Variants in ZDHHC14 observed in about 807,000 individuals in gnomAD.
The protein encoded by ZDHHC14 is zDHHC palmitoyltransferase 14, also known as palmitoyltransferase ZDHHC14.
ZDHHC14 carries 16 observed loss-of-function variants against 47.7 expected under a neutral mutation model. The observed-to-expected ratio is 0.34, with a 90% CI of 0.23 to 0.51. The LOEUF is 0.51. Ranked by LOEUF, ZDHHC14 falls within the 20% of genes least tolerant of loss-of-function variation. The probability of loss-of-function intolerance (pLI) is 0.97; values close to 1 mark genes in which losing one functional copy is unlikely to be tolerated. For missense variants in ZDHHC14, 515 were observed against 662.5 expected (o/e 0.78, Z 2.44); for synonymous variants, 293 against 278.9 (o/e 1.05, Z -0.50).
chr6:157,382,449 G>A (rs1441390858), intron 1 of ZDHHC14, among the ~76,000 whole-genome samples, 183 bp downstream of exon 1: 1 of 152,142 alleles, frequency 6.6e-6, no homozygotes, highest in East Asian at 1.9e-4. Flanking sequence ...CGGAAAGAAC[G>A]CCGTTCTGGG....
intron 1 of ZDHHC14, among the ~76,000 whole-genome samples, chr6:157,409,469 C>G (rs767904536): frequency 6.6e-6 from 1 of 152,146 alleles, no homozygotes; most frequent in Non-Finnish European, 1.5e-5. Flanking sequence ...CTTAGGTGAC[C>G]TTTTCTGGTG....
chr6:157,478,187 A>G (rs1156679868), intron 1 of ZDHHC14, among the ~76,000 whole-genome samples: 3 of 150,426 alleles, frequency 2.0e-5, no homozygotes, highest in Non-Finnish European at 4.5e-5. Flanking sequence ...TGTTCAATAC[A>G]TTAAGTCTTC....
chr6:157,424,190 C>G (rs1292116153), intron 1 of ZDHHC14, among the ~76,000 whole-genome samples: 1 of 151,968 alleles, frequency 6.6e-6, no homozygotes, highest in Non-Finnish European at 1.5e-5. Flanking sequence ...TCACTTTGTT[C>G]TGTCTGAAAA....
intron 4 of ZDHHC14, among the ~76,000 whole-genome samples, chr6:157,629,153 T>C (rs1344900670): frequency 6.6e-6 from 1 of 152,228 alleles, no homozygotes; most frequent in East Asian, 1.9e-4. Context: ...CCTAAGCAAA[T>C]GGCATTTTTT....
intron 2 of ZDHHC14, chr6:157,592,644 T>C (rs1582989237): frequency 2.9e-6 from 2 of 691,720 alleles, no homozygotes; most frequent in Admixed American, 1.0e-4. Flanking sequence ...CCCAGCTGTG[T>C]CTCCCAAGAT....
intron 1 of ZDHHC14, among the ~76,000 whole-genome samples, chr6:157,533,908 G>C (rs1273145536): frequency 1.3e-5 from 2 of 152,160 alleles, no homozygotes; most frequent in African/African-American, 4.8e-5. Flanking sequence ...TTTTAAATTG[G>C]TGTCTAATTA....
chr6:157,471,084 G>A (rs1435465223), intron 1 of ZDHHC14, among the ~76,000 whole-genome samples: 1 of 152,164 alleles, frequency 6.6e-6, no homozygotes, highest in Non-Finnish European at 1.5e-5. Flanking sequence ...TTCATTCCTG[G>A]CATTTTCAGG....
intron 1 of ZDHHC14, among the ~76,000 whole-genome samples, chr6:157,394,954 G>T (rs915924908): frequency 1.1e-4 from 17 of 151,358 alleles, no homozygotes; most frequent in African/African-American, 4.1e-4. Flanking sequence ...TTCCATTCCA[G>T]AATGCTTCTT....
intron 2 of ZDHHC14, among the ~76,000 whole-genome samples, chr6:157,553,220 G>T (rs772312531): frequency 1.3e-5 from 2 of 152,186 alleles, no homozygotes; most frequent in African/African-American, 2.4e-5. Flanking sequence ...CTGGGGGATG[G>T]TGGGGGATGA....
intron 1 of ZDHHC14, among the ~76,000 whole-genome samples, chr6:157,387,159 A>T (rs1777327751): frequency 6.6e-6 from 1 of 152,122 alleles, no homozygotes; most frequent in African/African-American, 2.4e-5. Flanking sequence ...AAGGGTTTTT[A>T]AAAAATCTTT....
At chr6:157,612,047 C>A (rs551966194) in intron 3 of ZDHHC14, among the ~76,000 whole-genome samples, 4,570 of 152,106 alleles carry the variant, frequency 0.03, 118 homozygotes, top group Non-Finnish European at 0.046. Flanking sequence ...TGACCCCCCA[C>A]CTTGCTGAGG....
At chr6:157,393,750 C>G (rs993657970) in intron 1 of ZDHHC14, among the ~76,000 whole-genome samples, 4 of 152,190 alleles carry the variant, frequency 2.6e-5, no homozygotes, top group African/African-American at 9.7e-5. Flanking sequence ...CCTTTAACTT[C>G]TAGGATGTTC....
chr6:157,579,345 C>T (rs1255948503), intron 2 of ZDHHC14, among the ~76,000 whole-genome samples: 1 of 151,682 alleles, frequency 6.6e-6, no homozygotes, highest in Non-Finnish European at 1.5e-5. Flanking sequence ...CTACAGGTGC[C>T]TGCCACCACG....
chr6:157,605,072 G>T (rs762881710), intron 3 of ZDHHC14, among the ~76,000 whole-genome samples: 1 of 152,240 alleles, frequency 6.6e-6, no homozygotes, highest in Non-Finnish European at 1.5e-5. Flanking sequence ...CCCACTATTT[G>T]TAGGAGTTGG....
At chr6:157,424,893 T>A (rs891249704) in intron 1 of ZDHHC14, among the ~76,000 whole-genome samples, 24 of 151,834 alleles carry the variant, frequency 1.6e-4, no homozygotes, top group Admixed American at 1.3e-4. Context: ...TTCAGCAGGA[T>A]CCCTGCCAGG....
intron 1 of ZDHHC14, among the ~76,000 whole-genome samples, chr6:157,526,477 TG>T (rs1781155535): frequency 6.6e-6 from 1 of 152,218 alleles, no homozygotes; most frequent in Admixed American, 6.5e-5. Flanking sequence ...TCTTAAACGT[TG>T]GTCTACTCGG....
chr6:157,452,004 T>C (rs575753876), intron 1 of ZDHHC14, among the ~76,000 whole-genome samples: 22 of 152,254 alleles, frequency 1.4e-4, no homozygotes, highest in African/African-American at 4.8e-4. Flanking sequence ...GCTGACAGTC[T>C]CCAGTGAGCT....
intron 1 of ZDHHC14, among the ~76,000 whole-genome samples, chr6:157,491,008 G>A (rs1167264239): frequency 5.9e-5 from 9 of 151,974 alleles, no homozygotes; most frequent in Non-Finnish European, 4.4e-5. Flanking sequence ...GGGGAGGAGG[G>A]CAGGGTGGCT....
chr6:157,658,550 G>A (rs1435527066), intron 8 of ZDHHC14, among the ~76,000 whole-genome samples: 1 of 152,018 alleles, frequency 6.6e-6, no homozygotes. Flanking sequence ...ACAGGATTGG[G>A]GGTGTGCTGT....
Sources: gnomAD v4.1 joint callset for allele counts (sites outside exome capture counted in the v4.1 genomes callset) on GRCh38, gnomAD v4.1.1 for gene constraint, MANE v1.5 for transcripts, NCBI Gene and HGNC (gene_info 2026-07-23, HGNC 2026-07-21) for gene names.